MFHAS1: variants seen among roughly 807,000 people sequenced by gnomAD.
MFHAS1 encodes the protein malignant fibrous histiocytoma-amplified sequence 1.
MFHAS1 carries 50 observed loss-of-function variants against 70.4 expected under a neutral mutation model. The observed-to-expected ratio is 0.71, with a 90% CI of 0.57 to 0.90. The LOEUF (loss-of-function observed/expected upper bound fraction) is 0.90. Among genes scored for constraint, MFHAS1 ranks in the 40% least tolerant of loss-of-function variants. MFHAS1 has a pLI of 0.00. For synonymous variants in MFHAS1, 952 were observed against 620.0 expected, an observed-to-expected ratio of 1.54 and a Z score of -7.96; for missense variants, 1,795 against 1,347.6, an observed-to-expected ratio of 1.33 and a Z score of -5.20.
chr8:8,855,723 G>A (rs539795321), intron 1 of MFHAS1, among the ~76,000 whole-genome samples: 1 of 152,248 alleles, frequency 6.6e-6, no homozygotes, highest in Non-Finnish European at 1.5e-5. Flanking sequence ...AGGCATGGTG[G>A]CAGGCACCTG....
At chr8:8,873,406 G>C (rs4841058) in intron 1 of MFHAS1, among the ~76,000 whole-genome samples, 130,835 of 151,858 alleles carry the variant, frequency 0.86, 57,615 homozygotes, top group Non-Finnish European at 0.95. Flanking sequence ...TTGTTAGCTT[G>C]AAATAAATAT....
chr8:8,890,105 G>C lies in MFHAS1; in HGVS notation c.2954C>G (p.Ser985Cys), dbSNP rs891977028. ...GLHYTVHILC[S>C]KCLKRGSPNP... Reference sequence around the variant, plus strand: ...GGGCGATCCTCTCTTAAGGCACTTAGAACAGAGAATGTGCACGGTGTAGTG... The same window carrying C: ...GGGCGATCCTCTCTTAAGGCACTTACAACAGAGAATGTGCACGGTGTAGTG... Residue 985 changes from serine (S) to cysteine (C), a missense_variant, in exon 1 of 3, where the codon TCT (serine) becomes TGT (cysteine). Transcript: ENST00000276282. 2 of 1,613,382 alleles carry C rather than the reference G, an allele frequency of 1.2e-6. No individual in the cohort carries two copies. The highest frequency in any genetic ancestry group is 1.7e-5 in the Admixed American group (1 of 59,946).
rs1320796836 is a variant in MFHAS1, at chr8:8,892,732, G to A, written c.327C>T (p.Leu109=). The A allele has an allele frequency of 4.5e-6, 7 of 1,547,842 alleles. No homozygotes were observed. Among genetic ancestry groups the A allele is most frequent in the African/African-American group, 1.4e-5 (1 of 72,754 alleles). Residue 109 remains leucine (L), a synonymous_variant, in exon 1 of 3, where the codon CTC becomes CTT. Coordinates refer to ENST00000276282, the MANE Select transcript of MFHAS1 (RefSeq NM_004225.3). This position sits in a 1 kb window ranked among gnomAD's most constrained non-coding sequence, Gnocchi z 4.7. ...CGTCCAGCTCGGTGAGGTGGTGGCC[G>A]AGCTCGGCCACCGCCGGGGGCAGCC... ...FARLPPAVAE[L]GHHLTELDVS...
In MFHAS1 at chr8:8,845,854, C is replaced by G. The variant is rs528495905; in HGVS notation, c.2998+44207G>C. Reference sequence around the variant, plus strand: ...GCTTTCCCAGTTCAATAAATAGCAACTCCATCTTTCTGGTTGTCAGGCCAA... The same window carrying G: ...GCTTTCCCAGTTCAATAAATAGCAAGTCCATCTTTCTGGTTGTCAGGCCAA... On this transcript the variant is annotated intron_variant, in intron 1 of 2. Coordinates refer to ENST00000276282, the MANE Select transcript of MFHAS1 (RefSeq NM_004225.3). 2.6e-5 allele frequency among the ~76,000 whole-genome samples: 4 copies of G among 152,282 alleles called. No individual in the cohort carries two copies. The South Asian group carries it at 8.3e-4, about 32-fold the overall frequency.
intron 1 of MFHAS1, among the ~76,000 whole-genome samples, chr8:8,832,823 C>T (rs1272042369): frequency 1.3e-5 from 2 of 151,900 alleles, no homozygotes; most frequent in African/African-American, 2.4e-5. Context: ...TTTGTCGAGG[C>T]GAGGTCTCTT....
chr8:8,787,210 A>G (rs570486674), intron 2 of MFHAS1, among the ~76,000 whole-genome samples: 7 of 152,048 alleles, frequency 4.6e-5, no homozygotes, highest in East Asian at 1.9e-4. Flanking sequence ...CCTCCCGAGT[A>G]GCTAGGACTA....
At chr8:8,880,247 A>G (rs1809463610) in intron 1 of MFHAS1, among the ~76,000 whole-genome samples, 1 of 152,214 alleles carries the variant, frequency 6.6e-6, no homozygotes, top group Admixed American at 6.5e-5. Context: ...AAGCCTGGCA[A>G]AAGAATTCCC....
chr8:8,815,960 C>CGAAGGAA (rs1806725923), intron 1 of MFHAS1, among the ~76,000 whole-genome samples: 2 of 152,182 alleles, frequency 1.3e-5, no homozygotes, highest in African/African-American at 2.4e-5. Context: ...GTACAATAGA[C>CGAAGGAA]TACTATCTAG....
intron 1 of MFHAS1, among the ~76,000 whole-genome samples, chr8:8,835,081 T>C (rs7820324): frequency 0.24 from 36,161 of 152,090 alleles, 5,565 homozygotes; most frequent in Non-Finnish European, 0.36. Context: ...ACTGAATGTA[T>C]AGGAAGCTCT....
At chr8:8,875,426 T>C in intron 1 of MFHAS1, among the ~76,000 whole-genome samples, 1 of 152,238 alleles carries the variant, frequency 6.6e-6, no homozygotes, top group East Asian at 1.9e-4. Flanking sequence ...TATATCCATG[T>C]TAGCATAAGT....
intron 1 of MFHAS1, among the ~76,000 whole-genome samples, chr8:8,852,162 G>A (rs555025141): frequency 1.6e-4 from 24 of 152,232 alleles, no homozygotes; most frequent in African/African-American, 5.5e-4. Flanking sequence ...AGGTATAAAT[G>A]TCATTAGCGT....
Position 8,892,986 on chromosome 8 carries a change from G to T in MFHAS1, c.73C>A (p.Leu25Met). The change falls in exon 1 of 3, where the codon CTG (leucine) becomes ATG (methionine). Residue 25 changes from leucine (L) to methionine (M), a missense_variant. Coordinates refer to ENST00000276282, the MANE Select transcript of MFHAS1 (RefSeq NM_004225.3). This position sits in a 1 kb window ranked among gnomAD's most constrained non-coding sequence, Gnocchi z 4.7. Reference protein sequence around the residue: ...WRDAALRARKLRSNLRQLTLT... With the variant: ...WRDAALRARKMRSNLRQLTLT... ...GTGAGCTGGCGCAGGTTGCTCCGCA[G>T]CTTCCTGGCACGCAGGGCGGCGTCC... The T allele has an allele frequency of 6.5e-7, 1 of 1,538,132 alleles. No homozygotes were observed. Among genetic ancestry groups the T allele is most frequent in the Non-Finnish European group, 8.7e-7 (1 of 1,144,468 alleles).
chr8:8,813,060 C>G (rs556252185), intron 1 of MFHAS1, among the ~76,000 whole-genome samples: 1 of 152,298 alleles, frequency 6.6e-6, no homozygotes, highest in East Asian at 1.9e-4. Flanking sequence ...AACCACTGCA[C>G]CTGGCCTTCA....
chr8:8,884,167 G>A (rs1171865382), intron 1 of MFHAS1, among the ~76,000 whole-genome samples: 2 of 151,860 alleles, frequency 1.3e-5, no homozygotes, highest in East Asian at 1.9e-4. Context: ...CTATTCCAGG[G>A]TTTAAAGAAG....
At chr8:8,872,073 T>C (rs1409295487) in intron 1 of MFHAS1, among the ~76,000 whole-genome samples, 1 of 152,222 alleles carries the variant, frequency 6.6e-6, no homozygotes, top group Non-Finnish European at 1.5e-5. Flanking sequence ...TGCATAAACA[T>C]GCCCGGATGG....
intron 1 of MFHAS1, among the ~76,000 whole-genome samples, chr8:8,842,560 CA>C (rs1396601673): frequency 1.3e-5 from 2 of 152,082 alleles, no homozygotes; most frequent in African/African-American, 4.8e-5. Context: ...ACACAGGACG[CA>C]CGTGTAAATC....
chr8:8,797,257 CTTTGCAAGGTTTGTGCAGA>C lies in MFHAS1; in HGVS notation c.3125+89_3125+107del, dbSNP rs1805936667. On this transcript the variant is annotated intron_variant, in intron 2 of 2. Transcript: ENST00000276282. Reference sequence around the variant, plus strand: ...GAAGAATTATGTCTGTTCAGGAGGACTTTGCAAGGTTTGTGCAGATGCAGTTTAACCTGGATTTTTGTGG... The same window carrying C: ...GAAGAATTATGTCTGTTCAGGAGGACTGCAGTTTAACCTGGATTTTTGTGG... 4.6e-6 allele frequency: 6 copies of C among 1,310,448 alleles called. No individual in the cohort carries two copies. In the East Asian group the frequency reaches 7.4e-5, roughly 16 times the overall value. 81.2% of individuals were successfully genotyped at this position (1,310,448 alleles called of 1,614,324 possible).
At chr8:8,846,963 C>T (rs1404109156) in intron 1 of MFHAS1, among the ~76,000 whole-genome samples, 1 of 152,140 alleles carries the variant, frequency 6.6e-6, no homozygotes, top group Non-Finnish European at 1.5e-5. Flanking sequence ...ACTTATTATG[C>T]ATCTACTATA....
At chr8:8,821,309 G>A (rs1806947020) in intron 1 of MFHAS1, among the ~76,000 whole-genome samples, 1 of 152,156 alleles carries the variant, frequency 6.6e-6, no homozygotes, top group Non-Finnish European at 1.5e-5. Flanking sequence ...GAAATAGAAG[G>A]TCACTTACTA....
Sources: gnomAD v4.1 joint callset for allele counts (sites outside exome capture counted in the v4.1 genomes callset) on GRCh38, gnomAD v4.1.1 for gene constraint, Gnocchi (gnomAD v3.1) non-coding constraint, MANE v1.5 for transcripts, NCBI Gene and HGNC (gene_info 2026-07-23, HGNC 2026-07-21) for gene names.